The following IAH1 variants were observed in gnomAD, a reference collection of about 807,000 sequenced individuals.
The protein encoded by IAH1 is isoamyl acetate-hydrolyzing esterase 1 homolog.
A neutral mutation model predicts 26.7 loss-of-function variants in IAH1; 24 were observed. The ratio of observed to expected loss-of-function variants is 0.90; its 90% CI spans 0.65 to 1.26. The LOEUF (loss-of-function observed/expected upper bound fraction) is 1.26, where lower values mean the gene tolerates loss of function less well. Among genes scored for constraint, IAH1 ranks in the 50% most tolerant of loss-of-function variants. The pLI is 0.00. For missense variants in IAH1, 300 were observed against 299.9 expected (o/e 1.00, Z 0.00); for synonymous variants, 140 against 118.5 (o/e 1.18, Z -1.18).
At chr2:9,494,485 TCTC>T (rs545724677), downstream of IAH1, 1,040 of 871,866 alleles carry the variant, frequency 1.2e-3, no homozygotes, top group Non-Finnish European at 1.6e-3. Context: ...CACTCCGTCT[TCTC>T]CTCCTAAGTA....
the IAH1 span, chr2:9,505,156 G>A: frequency 1.2e-6 from 2 of 1,613,954 alleles, no homozygotes; most frequent in East Asian, 2.2e-5. Flanking sequence ...CCTGTGGAGA[G>A]ACTCCTCACC....
At chr2:9,502,156 G>A in the IAH1 span, 3 of 1,603,812 alleles carry the variant, frequency 1.9e-6, no homozygotes, top group Admixed American at 3.3e-5. Context: ...TTCCAAGGAA[G>A]CAACAAGAAC....
chr2:9,474,218 A>G (rs114657235), upstream of IAH1, among the ~76,000 whole-genome samples: 10,399 of 151,674 alleles, frequency 0.069, 1,205 homozygotes, highest in African/African-American at 0.24. The surrounding 1 kb of genome is among the most constrained non-coding windows in gnomAD (Gnocchi z 4.3). Flanking sequence ...CCCCACCGAG[A>G]GCCAGCTGTG....
At chr2:9,484,608 G>A (rs779472036) in intron 5 of IAH1, 58 bp downstream of exon 5, 3 of 1,163,302 alleles carry the variant, frequency 2.6e-6, no homozygotes, top group Admixed American at 1.7e-5. Context: ...AGTAAACCAG[G>A]TGTGTGTGCA....
At chr2:9,475,172 CAAGATCATCT>C in intron 1 of IAH1, 1 of 1,288,716 alleles carries the variant, frequency 7.8e-7, no homozygotes. Flanking sequence ...TCCGTTCATC[CAAGATCATCT>C]CACCTCCCAT....
In IAH1 at chr2:9,478,316, G is replaced by A. The variant is rs1159515827; in HGVS notation, c.229G>A (p.Asp77Asn). ...PRLIRKGNSL[D>N]IPVAVTIFFG... ...ATTAATCAGGAAAGGAAACAGTTTGGACATCCCAGTAGCAGTTACAATTTT... is the reference window on the plus strand; with the variant it reads ...ATTAATCAGGAAAGGAAACAGTTTGAACATCCCAGTAGCAGTTACAATTTT... Residue 77 changes from aspartate to asparagine, a missense_variant, in exon 3 of 6, where the codon GAC becomes AAC. Coordinates refer to ENST00000497473, the MANE Select transcript of IAH1 (RefSeq NM_001039613.3). 16 of 1,613,210 alleles carry A rather than the reference G, an allele frequency of 9.9e-6. No homozygotes were observed. The highest frequency in any genetic ancestry group is 1.3e-5 in the Non-Finnish European group (15 of 1,179,588).
the IAH1 span, among the ~76,000 whole-genome samples, chr2:9,508,616 T>G: frequency 6.6e-6 from 1 of 152,214 alleles, no homozygotes; most frequent in Non-Finnish European, 1.5e-5. Flanking sequence ...AGGCAAACAT[T>G]ATTAAAAATT....
chr2:9,487,788 T>TGTG (rs1661620141), intron 5 of IAH1, among the ~76,000 whole-genome samples: 5 of 133,966 alleles, frequency 3.7e-5, no homozygotes, highest in African/African-American at 5.8e-5. Flanking sequence ...CCCGGCCTTT[T>TGTG]TGTGTGTGTG....
downstream of IAH1, chr2:9,490,583 C>T: frequency 2.1e-6 from 3 of 1,444,550 alleles, no homozygotes. Flanking sequence ...CTCACAGCTC[C>T]ACCCTTACCC....
At chr2:9,489,914 T>C (rs1044124952), downstream of IAH1, 17 of 383,330 alleles carry the variant, frequency 4.4e-5, no homozygotes, top group African/African-American at 3.2e-4. Flanking sequence ...CTGTATTTTC[T>C]GCTTTTGCAC....
downstream of IAH1, among the ~76,000 whole-genome samples, chr2:9,492,456 A>AC (rs1465269165): frequency 3.3e-5 from 5 of 152,336 alleles, no homozygotes; most frequent in African/African-American, 1.2e-4. Flanking sequence ...CCCAGTCCCT[A>AC]CATCCTATTT....
At chr2:9,484,009 A>C (rs965613445) in intron 4 of IAH1, among the ~76,000 whole-genome samples, 2 of 152,240 alleles carry the variant, frequency 1.3e-5, no homozygotes, top group East Asian at 3.9e-4. Flanking sequence ...ACATGTAAGA[A>C]GCCAGCGGTG....
chr2:9,477,113 A>G (rs936958936), intron 2 of IAH1, among the ~76,000 whole-genome samples: 2 of 152,176 alleles, frequency 1.3e-5, no homozygotes, highest in East Asian at 1.9e-4. Flanking sequence ...TAATCATTAC[A>G]CACACAAACA....
At position 9,475,997 on chromosome 2, in the gene IAH1, A is replaced by G. The variant is rs1463752128; in HGVS notation, c.92A>G (p.Gln31Arg). 1.5e-5 allele frequency: 24 copies of G among 1,613,700 alleles called. No individual in the cohort carries two copies. Among genetic ancestry groups the G allele is most frequent in the Non-Finnish European group, 1.6e-5 (19 of 1,179,930 alleles). Residue 31 changes from glutamine (Q) to arginine (R), a missense_variant, in exon 2 of 6, where the codon CAG (glutamine) becomes CGG (arginine). Transcript: ENST00000497473. ...CTTTTCTTCCTCCAGTTTTCCTTCCAGCAGGGTGGATGGGGAGCATCGCTG... is the reference window on the plus strand; with the variant it reads ...CTTTTCTTCCTCCAGTTTTCCTTCCGGCAGGGTGGATGGGGAGCATCGCTG... ...FGDSITQFSF[Q>R]QGGWGASLAD...
chr2:9,495,555 A>G (rs1240277925), intron 6 of IAH1, among the ~76,000 whole-genome samples: 1 of 152,112 alleles, frequency 6.6e-6, no homozygotes, highest in African/African-American at 2.4e-5. Context: ...TCTACTAAAA[A>G]TAAAAAAAAT....
chr2:9,484,726 C>T (rs1362378691), intron 5 of IAH1, 176 bp downstream of exon 5: 2 of 562,116 alleles, frequency 3.6e-6, no homozygotes, highest in Non-Finnish European at 6.4e-6. Context: ...GGATGGCTCA[C>T]AAGCCCAGCA....
chr2:9,503,338 A>G, the IAH1 span, among the ~76,000 whole-genome samples: 1 of 152,186 alleles, frequency 6.6e-6, no homozygotes, highest in East Asian at 1.9e-4. Context: ...GCACTGGTCT[A>G]TCAGTGTATA....
chr2:9,490,501 G>A, downstream of IAH1: 3 of 1,612,394 alleles, frequency 1.9e-6, no homozygotes, highest in Non-Finnish European at 2.5e-6. Context: ...AATCCATGCT[G>A]CTCAGCATTT....
chr2:9,509,515 A>G, the IAH1 span, among the ~76,000 whole-genome samples: 1 of 152,232 alleles, frequency 6.6e-6, no homozygotes, highest in Non-Finnish European at 1.5e-5. Context: ...AGAGCTATGA[A>G]TAAGACAGAC....
Sources: gnomAD v4.1 joint callset for allele counts (sites outside exome capture counted in the v4.1 genomes callset) on GRCh38, gnomAD v4.1.1 for gene constraint, Gnocchi (gnomAD v3.1) non-coding constraint, MANE v1.5 for transcripts, NCBI Gene and HGNC (gene_info 2026-07-23, HGNC 2026-07-21) for gene names.